The following SDK1 variants were observed in gnomAD, a reference collection of about 807,000 sequenced individuals.
SDK1 encodes the protein sidekick cell adhesion molecule 1.
Under a neutral mutation model 245.5 loss-of-function variants are expected in SDK1, and 157 were observed. That is an observed-to-expected ratio of 0.64 (90% CI 0.56 to 0.73). The LOEUF (loss-of-function observed/expected upper bound fraction) is 0.73. Among genes scored for constraint, SDK1 ranks in the 30% least tolerant of loss-of-function variants. The probability of loss-of-function intolerance (pLI) is 0.00; values close to 1 mark genes in which losing one functional copy is unlikely to be tolerated. For missense variants in SDK1, 3,583 were observed against 3,002.3 expected, an observed-to-expected ratio of 1.19 and a Z score of -4.52; for synonymous variants, 1,647 against 1,278.5, an observed-to-expected ratio of 1.29 and a Z score of -6.15.
intron 17 of SDK1, among the ~76,000 whole-genome samples, chr7:4,040,891 C>G (rs1343301404): frequency 6.6e-6 from 1 of 152,180 alleles, no homozygotes; most frequent in Non-Finnish European, 1.5e-5. Flanking sequence ...TTTCTGTTGG[C>G]ACAGCTGCCG....
intron 4 of SDK1, among the ~76,000 whole-genome samples, chr7:3,763,736 A>G (rs1043831881): frequency 6.6e-6 from 1 of 152,312 alleles, no homozygotes; most frequent in Middle Eastern, 3.4e-3. Flanking sequence ...TAAGAATGCA[A>G]ATATTTTATA....
chr7:4,142,907 T>G (rs1407365634), intron 28 of SDK1, among the ~76,000 whole-genome samples: 2 of 152,214 alleles, frequency 1.3e-5, no homozygotes, highest in African/African-American at 4.8e-5. Context: ...ATCGATTATG[T>G]GGCCAGAGAT....
chr7:3,710,573 A>T (rs1250359750), intron 4 of SDK1, among the ~76,000 whole-genome samples: 1 of 149,098 alleles, frequency 6.7e-6, no homozygotes, highest in East Asian at 1.9e-4. Context: ...ACAAGTCTTT[A>T]TGTACTGTTT....
intron 4 of SDK1, among the ~76,000 whole-genome samples, chr7:3,775,204 T>G (rs1780518563): frequency 6.6e-6 from 1 of 152,184 alleles, no homozygotes; most frequent in South Asian, 2.1e-4. Context: ...TTAGAAATAG[T>G]TTAAGGTGTT....
intron 42 of SDK1, 86 bp from the exon 43 acceptor site, chr7:4,241,707 C>G (rs1032083435): frequency 6.4e-7 from 1 of 1,551,686 alleles, no homozygotes; most frequent in East Asian, 2.3e-5. Context: ...GACTCAGGAG[C>G]TGCCCCGCTG....
At chr7:4,254,342 C>T (rs1787501697) in intron 44 of SDK1, among the ~76,000 whole-genome samples, 1 of 152,142 alleles carries the variant, frequency 6.6e-6, no homozygotes, top group African/African-American at 2.4e-5. Context: ...TGCGTAATCT[C>T]TATCAATCTA....
chr7:3,542,794 G>C lies in SDK1; in HGVS notation c.299-76286G>C, dbSNP rs549968791. On this transcript the variant is annotated intron_variant, in intron 1 of 44. Coordinates refer to ENST00000404826, the MANE Select transcript of SDK1 (RefSeq NM_152744.4). ...AAAGAAGGTACAGAGCTCTAAAAAG[G>C]GCTTCTTTCAAGTGTAGAGAGAGAA... Among the ~76,000 whole-genome samples the C allele has an allele frequency of 3.3e-5, 5 of 152,084 alleles. 1 individual carries two copies. The highest frequency in any genetic ancestry group is 1.2e-4 in the African/African-American group (5 of 41,492).
At chr7:3,530,116 C>T (rs186144445) in intron 1 of SDK1, among the ~76,000 whole-genome samples, 3 of 152,098 alleles carry the variant, frequency 2.0e-5, no homozygotes, top group Admixed American at 6.5e-5. Flanking sequence ...CTAAACCTAG[C>T]ACCAATTTAT....
rs114020407 is a variant in SDK1 at position 3,588,217 on chromosome 7, G to C, written c.299-30863G>C. Among the ~76,000 whole-genome samples, 492 of 152,284 alleles carry C rather than the reference G, an allele frequency of 3.2e-3. 2 individuals are homozygous for C. The highest frequency in any genetic ancestry group is 0.011 in the African/African-American group (465 of 41,546). On this transcript the variant is annotated intron_variant, in intron 1 of 44. Coordinates refer to ENST00000404826, the MANE Select transcript of SDK1 (RefSeq NM_152744.4). ...AGGTTTCTTCAAGCAAAACATACCT[G>C]TTACTTAGGTCAAGAGGGATTTGGT...
chr7:3,406,005 G>T (rs1779045729), intron 1 of SDK1, among the ~76,000 whole-genome samples: 1 of 151,854 alleles, frequency 6.6e-6, no homozygotes, highest in East Asian at 1.9e-4. Flanking sequence ...TGGAGACAGG[G>T]TTTCGCCATA....
chr7:4,182,392 G>A (rs918189703), intron 35 of SDK1, among the ~76,000 whole-genome samples: 2 of 152,220 alleles, frequency 1.3e-5, no homozygotes, highest in African/African-American at 4.8e-5. Context: ...ATCCCAAACA[G>A]CTCCTTGCCC....
chr7:3,981,803 G>C (rs1032841004), intron 13 of SDK1, among the ~76,000 whole-genome samples: 1 of 152,314 alleles, frequency 6.6e-6, no homozygotes, highest in Admixed American at 6.5e-5. Flanking sequence ...GGGTTGGTTT[G>C]TGAGATTTAA....
intron 1 of SDK1, among the ~76,000 whole-genome samples, chr7:3,426,964 A>G (rs1157308829): frequency 6.6e-6 from 1 of 152,118 alleles, no homozygotes; most frequent in Non-Finnish European, 1.5e-5. Flanking sequence ...TTCCAACCTC[A>G]TCTCTCATCA....
At chr7:4,132,736 GA>G (rs968800958) in intron 28 of SDK1, among the ~76,000 whole-genome samples, 6 of 149,684 alleles carry the variant, frequency 4.0e-5, no homozygotes, top group East Asian at 3.9e-4. Flanking sequence ...CCCAAAATAA[GA>G]AAAAAAAAGG....
At chr7:4,118,549 C>A (rs990394456) in intron 25 of SDK1, among the ~76,000 whole-genome samples, 1 of 152,166 alleles carries the variant, frequency 6.6e-6, no homozygotes, top group African/African-American at 2.4e-5. Flanking sequence ...AGGGAGTCAC[C>A]ATACGACAAA....
intron 5 of SDK1, among the ~76,000 whole-genome samples, chr7:3,881,714 A>G (rs796505382): frequency 6.6e-6 from 1 of 152,314 alleles, no homozygotes; most frequent in African/African-American, 2.4e-5. Flanking sequence ...GAACTAATTT[A>G]CATTCCCATC....
chr7:4,199,368 A>C (rs1381900930), intron 35 of SDK1, among the ~76,000 whole-genome samples: 1 of 152,210 alleles, frequency 6.6e-6, no homozygotes, highest in African/African-American at 2.4e-5. Flanking sequence ...TTTGTTTATC[A>C]TAACAGTGGG....
At chr7:3,631,703 G>C (rs1443923655) in intron 2 of SDK1, among the ~76,000 whole-genome samples, 1 of 152,190 alleles carries the variant, frequency 6.6e-6, no homozygotes, top group African/African-American at 2.4e-5. Context: ...CTCTGAGGCA[G>C]AATTAGCATT....
chr7:3,599,717 CCCT>C (rs1347827992), intron 1 of SDK1, among the ~76,000 whole-genome samples: 1 of 152,136 alleles, frequency 6.6e-6, no homozygotes, highest in Non-Finnish European at 1.5e-5. Flanking sequence ...AAAAGTCTGT[CCCT>C]CCTCCACTGA....
Sources: gnomAD v4.1 joint callset for allele counts (sites outside exome capture counted in the v4.1 genomes callset) on GRCh38, gnomAD v4.1.1 for gene constraint, MANE v1.5 for transcripts, NCBI Gene and HGNC (gene_info 2026-07-23, HGNC 2026-07-21) for gene names.